The following ASCC3 variants were observed in gnomAD, a reference collection of about 807,000 sequenced individuals.
The protein encoded by ASCC3 is ASC-1 complex subunit P200.
In ASCC3, 158 loss-of-function variants were observed where a neutral mutation model predicts 256.3. The observed-to-expected ratio is 0.62, with a 90% CI of 0.54 to 0.70. ASCC3 has a LOEUF of 0.70. Among genes scored for constraint, ASCC3 ranks in the 30% least tolerant of loss-of-function variants. The pLI, the probability that ASCC3 is intolerant of heterozygous loss-of-function variation, is 0.00. For missense variants in ASCC3, 2,259 were observed against 2,626.0 expected, an observed-to-expected ratio of 0.86 and a Z score of 3.05; for synonymous variants, 948 against 883.4, an observed-to-expected ratio of 1.07 and a Z score of -1.30.
intron 10 of ASCC3, among the ~76,000 whole-genome samples, chr6:100,753,183 G>T (rs1781015759): frequency 6.6e-6 from 1 of 151,588 alleles, no homozygotes; most frequent in Admixed American, 6.6e-5. Context: ...ACAAAATAAA[G>T]TTAATGATGT....
At chr6:100,733,017 A>C (rs1349196022) in intron 10 of ASCC3, among the ~76,000 whole-genome samples, 5 of 152,230 alleles carry the variant, frequency 3.3e-5, no homozygotes, top group Non-Finnish European at 7.3e-5. Context: ...GCTTAACAGA[A>C]GTTCACATAC....
At chr6:100,571,675 G>C (rs11155498) in intron 36 of ASCC3, among the ~76,000 whole-genome samples, 66,830 of 152,060 alleles carry the variant, frequency 0.44, 14,970 homozygotes, top group South Asian at 0.62. Flanking sequence ...AGGCTCAGAG[G>C]GTAAGTACCA....
intron 37 of ASCC3, among the ~76,000 whole-genome samples, chr6:100,523,805 T>C (rs1221159193): frequency 2.6e-5 from 4 of 152,192 alleles, no homozygotes; most frequent in Non-Finnish European, 4.4e-5. Context: ...GATTATACTT[T>C]AAAAAGCTAA....
At chr6:100,557,575 G>A (rs1437278957) in intron 36 of ASCC3, among the ~76,000 whole-genome samples, 7 of 151,928 alleles carry the variant, frequency 4.6e-5, no homozygotes, top group African/African-American at 1.5e-4. Context: ...ACTGACATTA[G>A]TATGGTATAA....
At chr6:100,608,856 C>G (rs1476846346) in intron 30 of ASCC3, among the ~76,000 whole-genome samples, 1 of 137,896 alleles carries the variant, frequency 7.3e-6, no homozygotes, top group Non-Finnish European at 1.5e-5. Flanking sequence ...CTCTGCCTCC[C>G]GGGTTCACGC....
intron 4 of ASCC3, among the ~76,000 whole-genome samples, chr6:100,836,940 T>C (rs1313682481): frequency 1.3e-5 from 2 of 152,140 alleles, no homozygotes; most frequent in Admixed American, 6.6e-5. Flanking sequence ...TCAGATTTTC[T>C]GGTTCTTCAT....
intron 10 of ASCC3, among the ~76,000 whole-genome samples, chr6:100,731,733 C>A (rs995053455): frequency 3.9e-5 from 6 of 152,114 alleles, no homozygotes; most frequent in African/African-American, 1.4e-4. Flanking sequence ...GGTTTGTGTG[C>A]CCTTTGAAAG....
At chr6:100,840,628 C>T (rs1001125911) in intron 4 of ASCC3, among the ~76,000 whole-genome samples, 1 of 151,414 alleles carries the variant, frequency 6.6e-6, no homozygotes, top group Non-Finnish European at 1.5e-5. Context: ...TAATACTACT[C>T]TGCAACCATT....
In ASCC3 at chr6:100,638,715, A is replaced by G. The variant is rs191192175; in HGVS notation, c.4008T>C (p.His1336=). 2.9e-4 allele frequency: 475 copies of G among 1,613,972 alleles called. 2 individuals carry two copies. The highest frequency in any genetic ancestry group is 2.2e-4 in the South Asian group (20 of 91,080). ...HFNPVQTQIF[H]TLYHTDCNVL... is the part of the protein sequence containing the mutation. ...CATTACAATCCGTGTGATACAATGT[A>G]TGAAATATTTGTGTCTGTACAGGGT... The change falls in exon 25 of 42, where the codon CAT becomes CAC. Residue 1336 remains histidine (H), a synonymous_variant. Coordinates refer to ENST00000369162, the MANE Select transcript of ASCC3 (RefSeq NM_006828.4).
At chr6:100,516,143 T>C (rs1562086341) in intron 39 of ASCC3, 37 bp downstream of exon 39, 2 of 1,612,978 alleles carry the variant, frequency 1.2e-6, no homozygotes, top group Non-Finnish European at 8.5e-7. Flanking sequence ...CTTCTCAGAG[T>C]AGGGGAGCCT....
Position 100,557,478 on chromosome 6 carries a change from CATT to C in ASCC3, c.5551-17094_5551-17092del, listed in dbSNP as rs1375498028. ...TGTATATCTTTCTAATAAATGAACT[CATT>C]ATAATAAAACGTTTGCCTTGTCTCT... On this transcript the variant is annotated intron_variant, in intron 36 of 41. Transcript: ENST00000369162. Among the ~76,000 whole-genome samples the C allele has an allele frequency of 2.6e-5, 4 of 151,990 alleles. No individual in the cohort carries two copies. In the East Asian group the frequency reaches 5.8e-4, roughly 22 times the overall value.
chr6:100,530,891 C>T (rs1158738174), intron 37 of ASCC3: 1 of 1,267,582 alleles, frequency 7.9e-7, no homozygotes, highest in African/African-American at 1.5e-5. Context: ...ACATCACAAA[C>T]AATCAATACC....
chr6:100,680,230 G>C (rs1461146087), intron 13 of ASCC3, among the ~76,000 whole-genome samples: 4 of 152,150 alleles, frequency 2.6e-5, no homozygotes, highest in African/African-American at 9.7e-5. Context: ...AGATAAAAAT[G>C]CTTCTGTAGA....
intron 16 of ASCC3, among the ~76,000 whole-genome samples, chr6:100,660,008 C>T (rs910255958): frequency 6.6e-6 from 1 of 151,500 alleles, no homozygotes; most frequent in African/African-American, 2.4e-5. Flanking sequence ...CCTTGACATG[C>T]ATTTCATGAC....
chr6:100,750,017 T>A (rs1780862756), intron 10 of ASCC3, among the ~76,000 whole-genome samples: 1 of 151,926 alleles, frequency 6.6e-6, no homozygotes, highest in Non-Finnish European at 1.5e-5. Flanking sequence ...TATTTTAGGT[T>A]TACAGCAAAT....
rs567866173 is a variant in ASCC3, at chr6:100,732,272, C to T, written c.1738-6569G>A. Among the ~76,000 whole-genome samples the T allele has an allele frequency of 1.1e-4, 16 of 151,558 alleles. No homozygotes were observed. The East Asian group carries it at 1.4e-3, about 13-fold the overall frequency. On this transcript the variant is annotated intron_variant, in intron 10 of 41. Transcript: ENST00000369162. Reference sequence around the variant, plus strand: ...ATTCTGCAGTTCTCCACAAAAAAGACTCAAAATAATAAAAATTTTATCTCT... The same window carrying T: ...ATTCTGCAGTTCTCCACAAAAAAGATTCAAAATAATAAAAATTTTATCTCT...
intron 36 of ASCC3, among the ~76,000 whole-genome samples, chr6:100,569,447 T>C (rs2114721508): frequency 6.6e-6 from 1 of 152,126 alleles, no homozygotes; most frequent in South Asian, 2.1e-4. Context: ...AGTGGCGCAA[T>C]CTTGGCTCCA....
At chr6:100,742,326 G>A (rs1780475056) in intron 10 of ASCC3, among the ~76,000 whole-genome samples, 1 of 152,004 alleles carries the variant, frequency 6.6e-6, no homozygotes, top group Admixed American at 6.6e-5. Context: ...CTGTTGGGAG[G>A]TCTCACCCAG....
At chr6:100,684,707 T>C (rs1324274869) in intron 13 of ASCC3, among the ~76,000 whole-genome samples, 1 of 151,984 alleles carries the variant, frequency 6.6e-6, no homozygotes, top group Non-Finnish European at 1.5e-5. Context: ...TTTAAAACAC[T>C]TCCCCTTTAG....
Sources: gnomAD v4.1 joint callset for allele counts (sites outside exome capture counted in the v4.1 genomes callset) on GRCh38, gnomAD v4.1.1 for gene constraint, MANE v1.5 for transcripts, NCBI Gene and HGNC (gene_info 2026-07-23, HGNC 2026-07-21) for gene names.